CHL1: variants seen among roughly 807,000 people sequenced by gnomAD.
CHL1 encodes the protein cell adhesion molecule L1 like, also known as neural cell adhesion molecule L1-like protein.
A neutral mutation model predicts 141.9 loss-of-function variants in CHL1; 96 were observed. That is an observed-to-expected ratio of 0.68 (90% confidence interval 0.57 to 0.80). The LOEUF is 0.80. CHL1 is among the 30% of genes least tolerant of loss of function. The pLI, the probability that CHL1 is intolerant of heterozygous loss-of-function variation, is 0.00. For synonymous variants in CHL1, 613 were observed against 502.2 expected (o/e 1.22, Z -2.95); for missense variants, 1,820 against 1,457.2 (o/e 1.25, Z -4.05).
chr3:239,594 TA>T lies in CHL1; in HGVS notation c.-174-5015del, dbSNP rs767055246. On this transcript the variant is annotated intron_variant, in intron 1 of 27. Coordinates refer to ENST00000256509, the MANE Select transcript of CHL1 (RefSeq NM_006614.4). ...TTAATTCATCTAAACAGTATATATA[TA>T]AAATATATATATTTTAAAATTATTT... Among the ~76,000 whole-genome samples the T allele has an allele frequency of 8.6e-3, 755 of 87,866 alleles. 5 individuals are homozygous for T. The highest frequency in any genetic ancestry group is 0.017 in the Non-Finnish European group (589 of 34,714). 57.6% of individuals were successfully genotyped at this position (87,866 alleles called of 152,430 possible). A position where few individuals can be genotyped will look rare whatever the true frequency, so the allele number is the denominator to read the frequency against.
intron 1 of CHL1, among the ~76,000 whole-genome samples, chr3:230,827 A>G (rs1286085144): frequency 1.3e-5 from 2 of 152,212 alleles, no homozygotes; most frequent in African/African-American, 4.8e-5. Context: ...ATTAAGGCTG[A>G]ACAATCTCTT....
In CHL1 at chr3:382,750, A is replaced by G. The variant is rs1482806569; in HGVS notation, c.2176+79A>G. ...TTGAACATCTAAAAAAAAAAGATTG[A>G]TAGAGTAATGTAGGATTTTAGATTT... On this transcript the variant is annotated intron_variant, in intron 18 of 27. Coordinates refer to ENST00000256509, the MANE Select transcript of CHL1 (RefSeq NM_006614.4). 4.0e-6 allele frequency: 5 copies of G among 1,239,046 alleles called. No individual in the cohort carries two copies. In the African/African-American group the frequency reaches 7.5e-5, roughly 18 times the overall value. 76.8% of individuals were successfully genotyped at this position (1,239,046 alleles called of 1,614,324 possible). A position where few individuals can be genotyped will look rare whatever the true frequency, so the allele number is the denominator to read the frequency against.
intron 15 of CHL1, chr3:373,528 C>A (rs539240760): frequency 1.3e-5 from 2 of 152,672 alleles, no homozygotes; most frequent in South Asian, 2.1e-4. Flanking sequence ...GCCTCTCCCC[C>A]ACCCAGGGAG....
Position 341,942 on chromosome 3 carries a change from T to C in CHL1, c.539T>C (p.Val180Ala). 3 of 1,611,990 alleles carry C rather than the reference T, an allele frequency of 1.9e-6. No individual in the cohort carries two copies. Among genetic ancestry groups the C allele is most frequent in the Non-Finnish European group, 2.5e-6 (3 of 1,178,608 alleles). Residue 180 changes from valine (V) to alanine (A), a missense_variant, in exon 7 of 28, where the codon GTA becomes GCA. Coordinates refer to ENST00000256509, the MANE Select transcript of CHL1 (RefSeq NM_006614.4). ...GAACACATCGAACAAGATGAAAGAGTATACATGAGCCAAAAGGGAGATCTA... is the reference window on the plus strand; with the variant it reads ...GAACACATCGAACAAGATGAAAGAGCATACATGAGCCAAAAGGGAGATCTA... ...ELEHIEQDER[V>A]YMSQKGDLYF...
At chr3:308,515 A>G (rs192344595) in intron 2 of CHL1, among the ~76,000 whole-genome samples, 182 of 152,022 alleles carry the variant, frequency 1.2e-3, no homozygotes, top group Non-Finnish European at 1.8e-3. Flanking sequence ...AGATATAGAT[A>G]GACAGCTGAT....
chr3:236,616 A>G (rs545944339), intron 1 of CHL1, among the ~76,000 whole-genome samples: 26 of 152,218 alleles, frequency 1.7e-4, no homozygotes, highest in African/African-American at 3.9e-4. Flanking sequence ...TTTGCCCTCA[A>G]TTTATTTCTG....
chr3:330,334 CATT>C (rs1390751808), intron 5 of CHL1, among the ~76,000 whole-genome samples: 7 of 151,896 alleles, frequency 4.6e-5, no homozygotes, highest in African/African-American at 1.4e-4. Context: ...GCAGTGAAAG[CATT>C]ATTTAGAGGG....
At chr3:315,089 A>G (rs908670709) in intron 2 of CHL1, among the ~76,000 whole-genome samples, 1 of 152,184 alleles carries the variant, frequency 6.6e-6, no homozygotes, top group Non-Finnish European at 1.5e-5. Context: ...GGATCAGAAT[A>G]TTAGTAGGAG....
chr3:305,802 A>G (rs1575015880), intron 2 of CHL1, among the ~76,000 whole-genome samples: 1 of 151,888 alleles, frequency 6.6e-6, no homozygotes, highest in South Asian at 2.1e-4. Flanking sequence ...TCAAATTTTT[A>G]CTGAATACGT....
chr3:398,326 C>A lies in CHL1; in HGVS notation c.3194C>A (p.Thr1065Asn), dbSNP rs1173173047. The A allele has an allele frequency of 6.2e-7, 1 of 1,608,194 alleles. No individual in the cohort carries two copies. The highest frequency in any genetic ancestry group is 1.3e-5 in the African/African-American group (1 of 74,884). ...PGAEHIVRLM[T>N]KNWGDNDSIF... Reference sequence around the variant, plus strand: ...GCTGAACATATAGTTCGCCTAATGACTAAGAATTGGGGCGATAATGATAGC... The same window carrying A: ...GCTGAACATATAGTTCGCCTAATGAATAAGAATTGGGGCGATAATGATAGC... The change falls in exon 25 of 28, where the codon ACT becomes AAT. Residue 1065 changes from threonine (T) to asparagine (N), a missense_variant. Thr to Asn is a moderately conservative substitution (Grantham distance 65). Transcript: ENST00000256509.
At chr3:223,747 T>C (rs1051065748) in intron 1 of CHL1, among the ~76,000 whole-genome samples, 9 of 152,136 alleles carry the variant, frequency 5.9e-5, no homozygotes, top group African/African-American at 2.2e-4. Context: ...GATCAGCATC[T>C]CTGAAAGCTC....
intron 10 of CHL1, among the ~76,000 whole-genome samples, chr3:350,371 C>A (rs1384311550): frequency 2.0e-5 from 3 of 152,134 alleles, no homozygotes; most frequent in Non-Finnish European, 4.4e-5. Context: ...TCCAATCACA[C>A]TGAGGCTTTC....
At chr3:355,156 G>C (rs1258449993) in intron 11 of CHL1, among the ~76,000 whole-genome samples, 1 of 152,116 alleles carries the variant, frequency 6.6e-6, no homozygotes, top group Non-Finnish European at 1.5e-5. Context: ...CCTCCTTTAG[G>C]CTCAGGCAAC....
intron 1 of CHL1, chr3:198,079 C>G (rs1698538802): frequency 3.4e-6 from 1 of 291,218 alleles, no homozygotes; most frequent in East Asian, 1.0e-4. Flanking sequence ...GGAGCAGCAG[C>G]CGCGCGGGCC....
chr3:343,475 T>C (rs1702505042), intron 8 of CHL1, among the ~76,000 whole-genome samples: 1 of 152,178 alleles, frequency 6.6e-6, no homozygotes, highest in Non-Finnish European at 1.5e-5. Context: ...CATTGTGGCT[T>C]TCTGAGAAAA....
chr3:405,802 A>G lies in CHL1; in HGVS notation c.*91A>G, dbSNP rs1709497493. The G allele has an allele frequency of 5.8e-6, 5 of 867,640 alleles. No individual in the cohort carries two copies. Among genetic ancestry groups the G allele is most frequent in the Non-Finnish European group, 9.1e-6 (5 of 546,644 alleles). The allele number at this position is 867,640 out of a possible 1,614,324, so 53.7% of individuals were successfully genotyped here. On this transcript the variant is annotated 3_prime_UTR_variant, in exon 28 of 28. Coordinates refer to ENST00000256509, the MANE Select transcript of CHL1 (RefSeq NM_006614.4). ...CAAGAACTTTCATATAGGAATAGAA[A>G]CATGCTGGCCGAAGATTTCATCCAG...
At chr3:343,773 G>A (rs184093941) in intron 8 of CHL1, among the ~76,000 whole-genome samples, 1 of 152,278 alleles carries the variant, frequency 6.6e-6, no homozygotes, top group African/African-American at 2.4e-5. Flanking sequence ...AAGGTGGACT[G>A]ATTCATCCCC....
intron 1 of CHL1, among the ~76,000 whole-genome samples, chr3:204,804 A>T (rs546558359): frequency 0.12 from 220 of 1,782 alleles, 2 homozygotes; most frequent in Admixed American, 0.37. Context: ...TTCTATTTTA[A>T]AAAAAAATCA....
intron 1 of CHL1, among the ~76,000 whole-genome samples, chr3:224,814 C>G (rs1249553678): frequency 6.6e-6 from 1 of 152,130 alleles, no homozygotes; most frequent in Non-Finnish European, 1.5e-5. Flanking sequence ...TGAGGGTTTG[C>G]TAGGATAGAA....
Sources: allele counts gnomAD v4.1 joint callset (sites outside exome capture counted in the v4.1 genomes callset), GRCh38; gene constraint gnomAD v4.1.1; transcripts MANE v1.5; gene names NCBI Gene and HGNC (gene_info 2026-07-23, HGNC 2026-07-21).